FHOD3: variants seen among roughly 807,000 people sequenced by gnomAD.
FHOD3 encodes FH1/FH2 domain-containing protein 3.
Under a neutral mutation model 173.0 loss-of-function variants are expected in FHOD3, and 90 were observed. The ratio of observed to expected loss-of-function variants is 0.52; its 90% CI spans 0.44 to 0.62. FHOD3 has a LOEUF of 0.62. Ranked by LOEUF, FHOD3 falls within the 20% of genes least tolerant of loss-of-function variation. The probability of loss-of-function intolerance (pLI) is 0.00; values close to 1 mark genes in which losing one functional copy is unlikely to be tolerated. For missense variants in FHOD3, 1,945 were observed against 2,034.7 expected, an observed-to-expected ratio of 0.96 and a Z score of 0.85; for synonymous variants, 828 against 823.0, an observed-to-expected ratio of 1.01 and a Z score of -0.10.
At chr18:36,411,748 A>G (rs16967823) in intron 3 of FHOD3, among the ~76,000 whole-genome samples, 10,467 of 152,248 alleles carry the variant, frequency 0.069, 1,207 homozygotes, top group African/African-American at 0.24. Context: ...AAAAAGGGTG[A>G]AGAACCAAGA....
At chr18:36,678,208 T>C (rs1231510160) in intron 14 of FHOD3, among the ~76,000 whole-genome samples, 1 of 152,204 alleles carries the variant, frequency 6.6e-6, no homozygotes, top group Middle Eastern at 3.2e-3. Context: ...ATCCTTATAT[T>C]ATTTTTAACA....
chr18:36,715,146 C>T (rs2040378328), intron 18 of FHOD3, among the ~76,000 whole-genome samples: 1 of 152,192 alleles, frequency 6.6e-6, no homozygotes, highest in African/African-American at 2.4e-5. Flanking sequence ...TGTGTTCTCA[C>T]CCAAATCTCA....
At chr18:36,313,169 T>A (rs937508022) in intron 1 of FHOD3, among the ~76,000 whole-genome samples, 3 of 152,222 alleles carry the variant, frequency 2.0e-5, no homozygotes, top group African/African-American at 7.2e-5. Flanking sequence ...TCTAGCCACA[T>A]GCTCTGGCTG....
rs925047096 is a variant in FHOD3 at position 36,321,743 on chromosome 18, G to A, written c.165+23743G>A. Reference sequence around the variant, plus strand: ...CGGTGACCAGGGCTGTGAGCCCTCCGTGCGTGGTGCTATTTGTAACAGCTG... The same window carrying A: ...CGGTGACCAGGGCTGTGAGCCCTCCATGCGTGGTGCTATTTGTAACAGCTG... On this transcript the variant is annotated intron_variant, in intron 1 of 28. Coordinates refer to ENST00000590592, the MANE Select transcript of FHOD3 (RefSeq NM_001281740.3). Among the ~76,000 whole-genome samples, 8 of 152,164 alleles carry A rather than the reference G, an allele frequency of 5.3e-5. No individual in the cohort carries two copies. The East Asian group carries it at 9.7e-4, about 18-fold the overall frequency.
intron 3 of FHOD3, among the ~76,000 whole-genome samples, chr18:36,495,601 G>A (rs1370472895): frequency 1.3e-5 from 2 of 152,204 alleles, no homozygotes; most frequent in African/African-American, 4.8e-5. Context: ...TGATTTTCAG[G>A]CAGTGGGCAC....
intron 18 of FHOD3, among the ~76,000 whole-genome samples, chr18:36,715,139 G>A (rs1029605970): frequency 3.3e-5 from 5 of 152,226 alleles, no homozygotes; most frequent in African/African-American, 7.2e-5. Context: ...GTTTGGCTGT[G>A]TTCTCACCCA....
At chr18:36,714,471 AG>A (rs2040341005) in intron 18 of FHOD3, among the ~76,000 whole-genome samples, 1 of 152,208 alleles carries the variant, frequency 6.6e-6, no homozygotes, top group South Asian at 2.1e-4. Flanking sequence ...TGGGAGGTAG[AG>A]GCTGCATTGA....
chr18:36,464,212 C>G (rs560146950), intron 3 of FHOD3, among the ~76,000 whole-genome samples: 1 of 152,104 alleles, frequency 6.6e-6, no homozygotes, highest in African/African-American at 2.4e-5. Flanking sequence ...ATTGACGTGT[C>G]GAAGAAATGA....
intron 10 of FHOD3, among the ~76,000 whole-genome samples, chr18:36,626,927 G>A (rs2034153554): frequency 6.6e-6 from 1 of 152,162 alleles, no homozygotes; most frequent in Non-Finnish European, 1.5e-5. Context: ...TGTTATCCCA[G>A]GAGGAGGAGG....
At chr18:36,418,192 A>G (rs752561678) in intron 3 of FHOD3, among the ~76,000 whole-genome samples, 1 of 152,220 alleles carries the variant, frequency 6.6e-6, no homozygotes, top group Non-Finnish European at 1.5e-5. Context: ...CCATTTAGAC[A>G]AACATATCCA....
chr18:36,653,397 C>G lies in FHOD3; in HGVS notation c.1702C>G (p.Arg568Gly), dbSNP rs778684024. Residue 568 changes from arginine (R) to glycine (G), a missense_variant, in exon 13 of 29, where the codon CGA becomes GGA. By Grantham distance (125) the Arg-to-Gly change is moderately radical. This residue lies in a region of FHOD3 where 1,099 missense variants were observed against 1,051.2 expected (regional missense o/e 1.05). Transcript: ENST00000590592. ...TYSASEPYHF[R>G]SFSSNRYSNF... The stretch of plus-strand genomic sequence containing the variant: ...TTCTGCCTCTGAGCCTTACCACTTC[C>G]GATCTTTCTCTTCTAATAGGTGGGT... The G allele has an allele frequency of 2.0e-6, 3 of 1,533,740 alleles. No individual in the cohort carries two copies. Among genetic ancestry groups the G allele is most frequent in the Middle Eastern group, 1.7e-4 (1 of 5,984 alleles).
chr18:36,321,798 G>T (rs950269365), intron 1 of FHOD3, among the ~76,000 whole-genome samples: 1 of 152,188 alleles, frequency 6.6e-6, no homozygotes, highest in East Asian at 1.9e-4. Context: ...TGCAGGGGGG[G>T]CACTTCCCAT....
chr18:36,666,045 C>G (rs1162870102), intron 14 of FHOD3, among the ~76,000 whole-genome samples: 1 of 152,214 alleles, frequency 6.6e-6, no homozygotes, highest in Non-Finnish European at 1.5e-5. Context: ...AGTGGACAGG[C>G]TGAAGCATGA....
intron 3 of FHOD3, among the ~76,000 whole-genome samples, chr18:36,389,051 T>G (rs573954391): frequency 6.6e-6 from 1 of 152,250 alleles, no homozygotes; most frequent in African/African-American, 2.4e-5. Context: ...GTTTGCAACG[T>G]TCCTGCACGA....
At chr18:36,763,111 T>C (rs1439004410) in intron 27 of FHOD3, among the ~76,000 whole-genome samples, 2 of 137,570 alleles carry the variant, frequency 1.5e-5, no homozygotes, top group African/African-American at 5.2e-5. Context: ...ATACACGTTA[T>C]ATATAATATG....
chr18:36,650,589 G>A (rs2035983116), intron 11 of FHOD3, among the ~76,000 whole-genome samples: 2 of 152,204 alleles, frequency 1.3e-5, no homozygotes, highest in African/African-American at 4.8e-5. Flanking sequence ...GAGGTGCTCT[G>A]GGAAGGGAGG....
chr18:36,676,652 A>G (rs2149360951), intron 14 of FHOD3, among the ~76,000 whole-genome samples: 1 of 152,214 alleles, frequency 6.6e-6, no homozygotes, highest in Non-Finnish European at 1.5e-5. Flanking sequence ...GCAGTGTATG[A>G]GTTATTCTGT....
chr18:36,393,726 A>G (rs1348124207), intron 3 of FHOD3, among the ~76,000 whole-genome samples: 2 of 152,162 alleles, frequency 1.3e-5, no homozygotes, highest in Non-Finnish European at 2.9e-5. Context: ...AATGAGCCTA[A>G]TTCTCTAAGC....
intron 1 of FHOD3, among the ~76,000 whole-genome samples, chr18:36,321,266 GGCCCATCTGT>G (rs1451428772): frequency 6.6e-6 from 1 of 152,118 alleles, no homozygotes; most frequent in African/African-American, 2.4e-5. Flanking sequence ...TTGAGGCCAG[GGCCCATCTGT>G]GCTCTTGTGG....
Sources: gnomAD v4.1 joint callset for allele counts (sites outside exome capture counted in the v4.1 genomes callset) on GRCh38, gnomAD v4.1.1 for gene constraint, gnomAD v4.1.1 regional missense constraint, MANE v1.5 for transcripts, NCBI Gene and HGNC (gene_info 2026-07-23, HGNC 2026-07-21) for gene names.